CPNE5: variants seen among roughly 807,000 people sequenced by gnomAD.
The protein encoded by CPNE5 is copine-5.
A neutral mutation model predicts 81.1 loss-of-function variants in CPNE5; 42 were observed. The observed-to-expected ratio is 0.52, with a 90% CI of 0.40 to 0.67. The LOEUF (loss-of-function observed/expected upper bound fraction) is 0.67. Among genes scored for constraint, CPNE5 ranks in the 30% least tolerant of loss-of-function variants. The pLI is 0.00. For synonymous variants in CPNE5, 313 were observed against 321.5 expected (o/e 0.97, Z 0.28); for missense variants, 612 against 815.5 (o/e 0.75, Z 3.04).
intron 1 of CPNE5, among the ~76,000 whole-genome samples, chr6:36,838,967 GT>G (rs758225447): frequency 1.5e-4 from 23 of 152,170 alleles, no homozygotes; most frequent in Non-Finnish European, 3.4e-4. Flanking sequence ...AGCAGAGACC[GT>G]AGTACAGCCT....
At chr6:36,805,003 T>A (rs141918031) in intron 3 of CPNE5, among the ~76,000 whole-genome samples, 3 of 148,258 alleles carry the variant, frequency 2.0e-5, no homozygotes, top group African/African-American at 7.9e-5. Flanking sequence ...CTTGGACGAA[T>A]AACAAAGGGG....
chr6:36,758,553 T>C (rs1286789765), intron 12 of CPNE5, among the ~76,000 whole-genome samples: 1 of 152,146 alleles, frequency 6.6e-6, no homozygotes, highest in African/African-American at 2.4e-5. Flanking sequence ...CCAGCCTTAG[T>C]TGCTATTTTT....
At chr6:36,806,118 A>G (rs1431895888) in intron 3 of CPNE5, among the ~76,000 whole-genome samples, 1 of 152,170 alleles carries the variant, frequency 6.6e-6, no homozygotes, top group Non-Finnish European at 1.5e-5. Context: ...GCCTCTGTCA[A>G]GACACGGGTG....
rs1024488789 is a variant in CPNE5 at position 36,742,874 on chromosome 6, C to G, written c.1564-388G>C. 4.1e-6 allele frequency: 4 copies of G among 985,320 alleles called. No homozygotes were observed. The African/African-American group carries it at 7.0e-5, about 17-fold the overall frequency. 61.0% of individuals were successfully genotyped at this position (985,320 alleles called of 1,614,324 possible). A position where few individuals can be genotyped will look rare whatever the true frequency, so the allele number is the denominator to read the frequency against. ...CCCGACCTGTCCAGCAGAGCCCTCT[C>G]TCTCTGGCCTCTCTTCGTTCCTTTT... is the stretch of plus-strand genomic sequence containing the variant. On this transcript the variant is annotated intron_variant, in intron 20 of 20. Coordinates refer to ENST00000244751, the MANE Select transcript of CPNE5 (RefSeq NM_020939.2).
intron 8 of CPNE5, among the ~76,000 whole-genome samples, chr6:36,784,909 A>C (rs1768386694): frequency 6.6e-6 from 1 of 151,366 alleles, no homozygotes; most frequent in Admixed American, 6.6e-5. Flanking sequence ...ACTGCACTCC[A>C]GACTGGACAA....
At chr6:36,744,572 G>A (rs1186167388) in intron 18 of CPNE5, 7 of 561,452 alleles carry the variant, frequency 1.2e-5, no homozygotes, top group Middle Eastern at 4.8e-4. Context: ...TCATAGGTCT[G>A]CTTTGGTGAG....
chr6:36,752,828 C>A (rs1764993402), intron 14 of CPNE5, among the ~76,000 whole-genome samples: 1 of 152,354 alleles, frequency 6.6e-6, no homozygotes, highest in East Asian at 1.9e-4. Flanking sequence ...CTCAGGAGTT[C>A]CCTCCAAGCT....
intron 11 of CPNE5, among the ~76,000 whole-genome samples, chr6:36,764,986 C>T (rs192308213): frequency 2.0e-5 from 3 of 152,308 alleles, no homozygotes; most frequent in Admixed American, 1.3e-4. Context: ...GGTGTCTGTG[C>T]CCTAGAACAT....
In CPNE5 at chr6:36,839,262, C is replaced by A; in HGVS notation, c.95+21G>T. 6.6e-7 allele frequency: 1 copy of A among 1,507,426 alleles called. No individual in the cohort carries two copies. Among genetic ancestry groups the A allele is most frequent in the Non-Finnish European group, 8.9e-7 (1 of 1,118,800 alleles). 93.4% of individuals were successfully genotyped at this position (1,507,426 alleles called of 1,614,324 possible). ...TGCGTCCAGGGCCGGGGCAAGGGGA[C>A]CCGGCCAGCGGGAGGCTCACCTGCA... On this transcript the variant is annotated intron_variant, in intron 1 of 20. Coordinates refer to ENST00000244751, the MANE Select transcript of CPNE5 (RefSeq NM_020939.2). This position sits in a 1 kb window ranked among gnomAD's most constrained non-coding sequence, Gnocchi z 7.3.
chr6:36,839,443 C>CT lies in CPNE5; in HGVS notation c.-67dup. 1 of 1,360,122 alleles carries CT rather than the reference C, an allele frequency of 7.4e-7. No homozygotes were observed. Among genetic ancestry groups the CT allele is most frequent in the Non-Finnish European group, 1.0e-6 (1 of 996,452 alleles). 84.3% of individuals were successfully genotyped at this position (1,360,122 alleles called of 1,614,324 possible). On this transcript the variant is annotated 5_prime_UTR_variant, in exon 1 of 21. Coordinates refer to ENST00000244751, the MANE Select transcript of CPNE5 (RefSeq NM_020939.2). This position sits in a 1 kb window ranked among gnomAD's most constrained non-coding sequence, Gnocchi z 7.3. ...GCGATTCACGCCTCCTCCGGAGCGA[C>CT]TGGAGCCCTGGGCTCTCCCCCAACT...
intron 7 of CPNE5, chr6:36,792,446 T>C: frequency 7.5e-7 from 1 of 1,335,540 alleles, no homozygotes; most frequent in Non-Finnish European, 9.9e-7. Context: ...AAAGACCACT[T>C]CTGTGGGCAA....
At chr6:36,742,609 C>G (rs1331457587) in intron 20 of CPNE5, 123 bp from the exon 21 acceptor site, 8 of 1,462,184 alleles carry the variant, frequency 5.5e-6, no homozygotes, top group African/African-American at 1.4e-5. Flanking sequence ...TCAATCCCCC[C>G]ACCTTTCTGA....
At chr6:36,828,425 C>T (rs1232955505) in intron 1 of CPNE5, among the ~76,000 whole-genome samples, 1 of 124,296 alleles carries the variant, frequency 8.0e-6, no homozygotes, top group Non-Finnish European at 1.7e-5. Context: ...TAGCCTCTGC[C>T]TCAGGGAATC....
At chr6:36,812,079 G>A (rs911418555) in intron 3 of CPNE5, among the ~76,000 whole-genome samples, 15 of 152,188 alleles carry the variant, frequency 9.9e-5, no homozygotes, top group Non-Finnish European at 2.2e-4. Context: ...ACTCCAGCCT[G>A]GGCGACAGAG....
In CPNE5 at chr6:36,839,259, G is replaced by T; in HGVS notation, c.95+24C>A. On this transcript the variant is annotated intron_variant, in intron 1 of 20. Coordinates refer to ENST00000244751, the MANE Select transcript of CPNE5 (RefSeq NM_020939.2). The surrounding 1 kb of genome is among the most constrained non-coding windows in gnomAD (Gnocchi z 7.3). ...CTCTGCGTCCAGGGCCGGGGCAAGGGGACCCGGCCAGCGGGAGGCTCACCT... is the reference window on the plus strand; with the variant it reads ...CTCTGCGTCCAGGGCCGGGGCAAGGTGACCCGGCCAGCGGGAGGCTCACCT... 1 of 1,497,202 alleles carries T rather than the reference G, an allele frequency of 6.7e-7. No individual in the cohort carries two copies. The highest frequency in any genetic ancestry group is 9.0e-7 in the Non-Finnish European group (1 of 1,109,010). The allele number at this position is 1,497,202 out of a possible 1,614,324, so 92.7% of individuals were successfully genotyped here. A position where few individuals can be genotyped will look rare whatever the true frequency, so the allele number is the denominator to read the frequency against.
At chr6:36,826,136 G>A (rs1051064622) in intron 1 of CPNE5, among the ~76,000 whole-genome samples, 2 of 152,136 alleles carry the variant, frequency 1.3e-5, no homozygotes, top group South Asian at 2.1e-4. Context: ...GCCTAGATAC[G>A]TGTGTGTGTT....
intron 12 of CPNE5, among the ~76,000 whole-genome samples, chr6:36,762,146 G>A (rs998794359): frequency 6.6e-6 from 1 of 151,418 alleles, no homozygotes; most frequent in Admixed American, 6.6e-5. Flanking sequence ...CCAGCTACTC[G>A]GGAGGCTGAG....
In CPNE5 at chr6:36,839,216, G is replaced by T; in HGVS notation, c.95+67C>A. On this transcript the variant is annotated intron_variant, in intron 1 of 20. Coordinates refer to ENST00000244751, the MANE Select transcript of CPNE5 (RefSeq NM_020939.2). The surrounding 1 kb of genome is among the most constrained non-coding windows in gnomAD (Gnocchi z 7.3). Reference sequence around the variant, plus strand: ...GGGCGCGCGGAGGTTTAGGATCGAAGCGGCAGGGGCCGCGGGGCTCTGCGT... The same window carrying T: ...GGGCGCGCGGAGGTTTAGGATCGAATCGGCAGGGGCCGCGGGGCTCTGCGT... 8.2e-7 allele frequency: 1 copy of T among 1,214,578 alleles called. No individual in the cohort carries two copies. The highest frequency in any genetic ancestry group is 1.1e-6 in the Non-Finnish European group (1 of 879,106). The allele number at this position is 1,214,578 out of a possible 1,614,324, so 75.2% of individuals were successfully genotyped here.
At chr6:36,833,699 G>A (rs1344447193) in intron 1 of CPNE5, among the ~76,000 whole-genome samples, 1 of 152,206 alleles carries the variant, frequency 6.6e-6, no homozygotes, top group Non-Finnish European at 1.5e-5. Flanking sequence ...ACCCACCGGT[G>A]AGCTTGGAGG....
Sources: gnomAD v4.1 joint callset for allele counts (sites outside exome capture counted in the v4.1 genomes callset) on GRCh38, gnomAD v4.1.1 for gene constraint, Gnocchi (gnomAD v3.1) non-coding constraint, MANE v1.5 for transcripts, NCBI Gene and HGNC (gene_info 2026-07-23, HGNC 2026-07-21) for gene names.